MROH7: variants seen among roughly 807,000 people sequenced by gnomAD.
The protein encoded by MROH7 is maestro heat-like repeat-containing protein family member 7.
Under a neutral mutation model 129.2 loss-of-function variants are expected in MROH7, and 113 were observed. The ratio of observed to expected loss-of-function variants is 0.87; its 90% CI spans 0.75 to 1.02. The LOEUF (loss-of-function observed/expected upper bound fraction) is 1.02, where lower values mean the gene tolerates loss of function less well. MROH7 is among the 50% of genes least tolerant of loss of function. The pLI is 0.00. For synonymous variants in MROH7, 655 were observed against 667.9 expected (o/e 0.98, Z 0.30); for missense variants, 1,601 against 1,671.3 (o/e 0.96, Z 0.73).
chr1:54,705,094 G>A (rs947646770), intron 21 of MROH7, among the ~76,000 whole-genome samples: 6 of 152,226 alleles, frequency 3.9e-5, no homozygotes, highest in Admixed American at 6.5e-5. Flanking sequence ...CACTGCACCC[G>A]GCTGAATGTA....
intron 3 of MROH7, chr1:54,663,668 C>T (rs1644766189): frequency 2.6e-6 from 1 of 385,020 alleles, no homozygotes; most frequent in Non-Finnish European, 5.0e-6. Flanking sequence ...GCCACCGTGC[C>T]CGGCCCCCAT....
In MROH7 at chr1:54,684,635, AGACTGTGTTC is replaced by A. The variant is rs1444873978; in HGVS notation, c.2521-1622_2521-1613del. 3.9e-5 allele frequency among the ~76,000 whole-genome samples: 6 copies of A among 152,356 alleles called. No homozygotes were observed. In the East Asian group the frequency reaches 7.7e-4, roughly 20 times the overall value. ...ACTAGAGACTTTTCCCTTACACCAC[AGACTGTGTTC>A]TTTGGATGTAATCATTAGCTTTGGG... On this transcript the variant is annotated intron_variant, in intron 14 of 23. Coordinates refer to ENST00000421030, the MANE Select transcript of MROH7 (RefSeq NM_001039464.4).
In MROH7 at chr1:54,703,060, C is replaced by G. The variant is rs982262166; in HGVS notation, c.3564+315C>G. Among the ~76,000 whole-genome samples, 3 of 152,144 alleles carry G rather than the reference C, an allele frequency of 2.0e-5. No homozygotes were observed. The highest frequency in any genetic ancestry group is 7.2e-5 in the African/African-American group (3 of 41,426). Reference sequence around the variant, plus strand: ...CCCCCAAGCAGAAACCTAGAATCCTCTTGGGCTCCTTCATCTCCCTCACCC... The same window carrying G: ...CCCCCAAGCAGAAACCTAGAATCCTGTTGGGCTCCTTCATCTCCCTCACCC... On this transcript the variant is annotated intron_variant, in intron 21 of 23. Coordinates refer to ENST00000421030, the MANE Select transcript of MROH7 (RefSeq NM_001039464.4). This position sits in a 1 kb window ranked among gnomAD's most constrained non-coding sequence, Gnocchi z 4.4.
intron 7 of MROH7, among the ~76,000 whole-genome samples, 158 bp downstream of exon 7, chr1:54,671,087 C>A (rs1332717902): frequency 6.6e-6 from 1 of 152,132 alleles, no homozygotes; most frequent in African/African-American, 2.4e-5. Flanking sequence ...AGGGATGAAT[C>A]ATTCAAATAA....
chr1:54,669,611 A>G (rs987222957), intron 5 of MROH7, among the ~76,000 whole-genome samples: 4 of 152,186 alleles, frequency 2.6e-5, no homozygotes, highest in Non-Finnish European at 5.9e-5. Flanking sequence ...TGCAGCATCA[A>G]ACTCCTGGGC....
chr1:54,642,401 G>A (rs1378140585), intron 1 of MROH7, among the ~76,000 whole-genome samples: 4 of 152,120 alleles, frequency 2.6e-5, no homozygotes, highest in African/African-American at 7.2e-5. Flanking sequence ...ATTATAGCTG[G>A]GTATCAGGAA....
chr1:54,673,218 G>A, intron 8 of MROH7, 32 bp downstream of exon 8: 2 of 1,535,856 alleles, frequency 1.3e-6, no homozygotes, highest in Non-Finnish European at 1.8e-6. Context: ...GGAAGGGAGG[G>A]GAGGAAGGGT....
chr1:54,692,573 G>T lies in MROH7; in HGVS notation c.2849+12G>T. 1.9e-6 allele frequency: 3 copies of T among 1,561,884 alleles called. No homozygotes were observed. The highest frequency in any genetic ancestry group is 1.1e-5 in the South Asian group (1 of 90,466). ...GCCTTGCTGGCAAGGTGAGTCCCGG[G>T]ACCACCTTGGGGTTGGGGTGGGAGG... On this transcript the variant is annotated intron_variant, in intron 16 of 23. Transcript: ENST00000421030.
intron 10 of MROH7, among the ~76,000 whole-genome samples, chr1:54,675,981 G>A (rs963856177): frequency 5.3e-5 from 8 of 152,126 alleles, no homozygotes; most frequent in African/African-American, 1.4e-4. Context: ...AGGAAAATGA[G>A]TAGAAATTAT....
intron 4 of MROH7, among the ~76,000 whole-genome samples, chr1:54,666,658 G>T (rs1644820323): frequency 6.6e-6 from 1 of 151,426 alleles, no homozygotes; most frequent in South Asian, 2.1e-4. Context: ...TGTTGCCCAG[G>T]CTGGTCTTGA....
intron 3 of MROH7, among the ~76,000 whole-genome samples, chr1:54,655,360 G>A (rs1457424902): frequency 1.3e-5 from 2 of 151,682 alleles, no homozygotes; most frequent in African/African-American, 4.8e-5. Flanking sequence ...GCTATTAGTA[G>A]ATAACATTTT....
Position 54,697,985 on chromosome 1 carries a change from C to T in MROH7, c.2965-2336C>T, listed in dbSNP as rs1645349599. 3 of 338,950 alleles carry T rather than the reference C, an allele frequency of 8.9e-6. No individual in the cohort carries two copies. In the South Asian group the frequency reaches 3.1e-4, roughly 35 times the overall value. 21.0% of individuals were successfully genotyped at this position (338,950 alleles called of 1,614,324 possible). The stretch of plus-strand genomic sequence containing the variant: ...CCGCCCTGCAGCAAGGGTCTTGGCC[C>T]AGGTTCAGTCTTTTCCACCTCCCCA... On this transcript the variant is annotated intron_variant, in intron 17 of 23. Transcript: ENST00000421030.
chr1:54,697,975 G>A (rs1645349383), intron 17 of MROH7: 1 of 369,246 alleles, frequency 2.7e-6, no homozygotes, highest in African/African-American at 2.0e-5. Flanking sequence ...CTGCAGCAAG[G>A]GTCTTGGCCC....
In MROH7 at chr1:54,653,870, A is replaced by G; in HGVS notation, c.944A>G (p.His315Arg). ...SYGISLHSST[H>R]EPNSTISPPS... ...GGTATCAGCCTGCACTCCAGCACCCATGAGCCCAACTCCACCATCTCTCCA... is the reference window on the plus strand; with the variant it reads ...GGTATCAGCCTGCACTCCAGCACCCGTGAGCCCAACTCCACCATCTCTCCA... The change falls in exon 3 of 24, where the codon CAT (histidine) becomes CGT (arginine). Residue 315 changes from histidine (H) to arginine (R), a missense_variant. Physicochemically the swap from His to Arg is conservative, Grantham distance 29 (BLOSUM62 0). Coordinates refer to ENST00000421030, the MANE Select transcript of MROH7 (RefSeq NM_001039464.4). The G allele has an allele frequency of 6.2e-7, 1 of 1,613,912 alleles. No individual in the cohort carries two copies.
At chr1:54,656,804 C>G (rs1017324583) in intron 3 of MROH7, among the ~76,000 whole-genome samples, 4 of 152,020 alleles carry the variant, frequency 2.6e-5, no homozygotes, top group South Asian at 2.1e-4. Context: ...CAGCGGGACT[C>G]TGTCTCAAAA....
At position 54,686,323 on chromosome 1, in the gene MROH7, C is replaced by A; in HGVS notation, c.2586C>A (p.Tyr862Ter). 1 of 1,614,172 alleles carries A rather than the reference C, an allele frequency of 6.2e-7. No homozygotes were observed. Among genetic ancestry groups the A allele is most frequent in the African/African-American group, 1.3e-5 (1 of 75,060 alleles). Residue 862 changes from tyrosine (Y) to a stop codon, truncating the protein, a stop_gained, in exon 15 of 24, where the codon TAC (tyrosine) becomes TAA (stop). Transcript: ENST00000421030. LOFTEE classifies it high-confidence loss of function. The stretch of plus-strand genomic sequence containing the variant: ...GCATGGGCCGTGTGAGGCGCATCTA[C>A]CCTCAGCTGCTCCTGGCCCTGCTCA... ...NSCMGRVRRI[Y>*]PQLLLALLIQ... is the part of the protein sequence containing the mutation.
At chr1:54,672,339 G>T (rs1463844857) in intron 7 of MROH7, among the ~76,000 whole-genome samples, 2 of 152,040 alleles carry the variant, frequency 1.3e-5, no homozygotes, top group Non-Finnish European at 2.9e-5. Flanking sequence ...GACTCAGGGA[G>T]TCTAGACAAT....
chr1:54,700,336 C>A lies in MROH7; in HGVS notation c.2980C>A (p.Gln994Lys). 2 of 1,614,126 alleles carry A rather than the reference C, an allele frequency of 1.2e-6. No homozygotes were observed. The highest frequency in any genetic ancestry group is 8.5e-7 in the Non-Finnish European group (1 of 1,180,008). Residue 994 changes from glutamine (Q) to lysine (K), a missense_variant, in exon 18 of 24, where the codon CAG (glutamine) becomes AAG (lysine). Transcript: ENST00000421030. ...GCTCCCTCAGCTCCTCCAGATGGAG[C>A]AGGTGCGCCGGATCCCCGAGGAATA... ...AFFVELLQMEQVRRIPEEYSL... is the reference protein window; with the variant it reads ...AFFVELLQMEKVRRIPEEYSL...
chr1:54,670,714 G>T, intron 6 of MROH7, 86 bp from the exon 7 acceptor site: 1 of 1,134,372 alleles, frequency 8.8e-7, no homozygotes, highest in East Asian at 5.1e-5. Flanking sequence ...CCCTTGCCCA[G>T]TCCCTGTGCT....
Sources: allele counts gnomAD v4.1 joint callset (sites outside exome capture counted in the v4.1 genomes callset), GRCh38; gene constraint gnomAD v4.1.1; non-coding constraint Gnocchi (gnomAD v3.1); transcripts MANE v1.5; gene names NCBI Gene and HGNC (gene_info 2026-07-23, HGNC 2026-07-21).